The following PAM variants were observed in gnomAD, a reference collection of about 807,000 sequenced individuals.
PAM encodes the protein peptidyl-glycine alpha-amidating monooxygenase.
A neutral mutation model predicts 122.1 loss-of-function variants in PAM; 72 were observed. The observed-to-expected ratio is 0.59, with a 90% CI of 0.49 to 0.72. The LOEUF is 0.72. Among genes scored for constraint, PAM ranks in the 30% least tolerant of loss-of-function variants. The probability of loss-of-function intolerance (pLI) is 0.00; values close to 1 mark genes in which losing one functional copy is unlikely to be tolerated. For synonymous variants in PAM, 389 were observed against 404.4 expected (o/e 0.96, Z 0.46); for missense variants, 1,106 against 1,183.7 (o/e 0.93, Z 0.96).
At chr5:102,804,879 C>T (rs1388616197) in intron 1 of PAM, among the ~76,000 whole-genome samples, 2 of 152,170 alleles carry the variant, frequency 1.3e-5, no homozygotes, top group African/African-American at 2.4e-5. Context: ...TGAATTGGCA[C>T]TTGCCATGAT....
At chr5:102,759,107 A>G (rs967839390) in intron 1 of PAM, among the ~76,000 whole-genome samples, 6 of 152,206 alleles carry the variant, frequency 3.9e-5, no homozygotes, top group African/African-American at 1.2e-4. Context: ...AGAATTATAA[A>G]TTTATAAAGA....
At chr5:102,939,220 C>T (rs903257518) in intron 7 of PAM, among the ~76,000 whole-genome samples, 2 of 152,076 alleles carry the variant, frequency 1.3e-5, no homozygotes, top group Non-Finnish European at 2.9e-5. Context: ...CCAATAGAAA[C>T]ATTATTCTTT....
intron 1 of PAM, among the ~76,000 whole-genome samples, chr5:102,816,103 C>T (rs996211987): frequency 6.6e-6 from 1 of 152,056 alleles, no homozygotes; most frequent in African/African-American, 2.4e-5. Context: ...TATACTTATG[C>T]CTCCTGACAG....
chr5:102,863,991 A>T (rs1300094306), intron 1 of PAM, among the ~76,000 whole-genome samples: 2 of 151,418 alleles, frequency 1.3e-5, no homozygotes, highest in Non-Finnish European at 2.9e-5. Flanking sequence ...TCAAAGAGAT[A>T]AGTGGAATAT....
intron 3 of PAM, among the ~76,000 whole-genome samples, chr5:102,876,006 C>T (rs1215545045): frequency 6.6e-6 from 1 of 152,146 alleles, no homozygotes; most frequent in Non-Finnish European, 1.5e-5. Context: ...CCTTAGTTAC[C>T]TATTCAGTTT....
intron 7 of PAM, among the ~76,000 whole-genome samples, chr5:102,926,964 C>T (rs142170586): frequency 5.4e-4 from 82 of 152,122 alleles, no homozygotes; most frequent in African/African-American, 1.9e-3. Context: ...ATTAGGAGTG[C>T]GGATCATTCC....
chr5:102,782,548 C>T (rs1759269160), intron 1 of PAM, among the ~76,000 whole-genome samples: 1 of 152,160 alleles, frequency 6.6e-6, no homozygotes, highest in East Asian at 1.9e-4. Flanking sequence ...GTGAGAAGTA[C>T]ATGCAAATCT....
chr5:102,911,585 T>G (rs1041455946), intron 4 of PAM, among the ~76,000 whole-genome samples: 7 of 151,958 alleles, frequency 4.6e-5, no homozygotes, highest in Non-Finnish European at 8.8e-5. Flanking sequence ...CAAAGGACAG[T>G]TAGAAGAGTC....
chr5:102,947,100 A>C (rs1757302692), intron 8 of PAM, among the ~76,000 whole-genome samples: 1 of 152,218 alleles, frequency 6.6e-6, no homozygotes, highest in Non-Finnish European at 1.5e-5. Flanking sequence ...CTGTAGTCAG[A>C]ATCTTGGCTG....
rs1254907379 is a variant in PAM at position 103,003,088 on chromosome 5, G to C, written c.1669G>C (p.Asp557His). The change falls in exon 17 of 26, where the codon GAC (aspartate) becomes CAC (histidine). Residue 557 changes from aspartate to histidine, a missense_variant. By Grantham distance (81) the Asp-to-His change is moderately conservative (BLOSUM62 -1). Coordinates refer to ENST00000438793, the MANE Select transcript of PAM (RefSeq NM_001177306.2). ...AATAGGACTCGGACCAATTGAAGAA[G>C]ACACTATTCTTGTCATAGATCCAAA... is the stretch of plus-strand genomic sequence containing the variant. ...QQIGLGPIEEDTILVIDPNNA... is the reference protein window; with the variant it reads ...QQIGLGPIEEHTILVIDPNNA... The C allele has an allele frequency of 6.2e-7, 1 of 1,608,964 alleles. No individual in the cohort carries two copies. The highest frequency in any genetic ancestry group is 1.3e-5 in the African/African-American group (1 of 74,822).
chr5:102,845,435 G>A (rs1029721547), intron 1 of PAM, among the ~76,000 whole-genome samples: 10 of 152,162 alleles, frequency 6.6e-5, no homozygotes, highest in Admixed American at 1.3e-4. Flanking sequence ...GTGGTCAGTT[G>A]CTAGAATATC....
At chr5:102,955,410 A>T (rs970287206) in intron 12 of PAM, among the ~76,000 whole-genome samples, 1 of 152,066 alleles carries the variant, frequency 6.6e-6, no homozygotes, top group Non-Finnish European at 1.5e-5. Flanking sequence ...CTGACTCATT[A>T]TTCAGTAGTA....
Position 102,990,389 on chromosome 5 carries a change from T to C in PAM, c.1601T>C (p.Val534Ala). 1 of 1,595,292 alleles carries C rather than the reference T, an allele frequency of 6.3e-7. No homozygotes were observed. The highest frequency in any genetic ancestry group is 1.1e-5 in the South Asian group (1 of 87,314). Residue 534 changes from valine (V) to alanine (A), a missense_variant, in exon 16 of 26, where the codon GTC (valine) becomes GCC (alanine). Coordinates refer to ENST00000438793, the MANE Select transcript of PAM (RefSeq NM_001177306.2). ...GTGATTTTCCACAGAGGTGACCATG[T>C]CTGGGATGGAAAGTAAGTAATATTT... ...NLVIFHRGDH[V>A]WDGNSFDSKF... is the part of the protein sequence containing the mutation.
chr5:103,005,132 C>T lies in PAM; in HGVS notation c.1731-22C>T, dbSNP rs142943212. The stretch of plus-strand genomic sequence containing the variant: ...GCCTTGAGAGTAAATGTGTAATTAA[C>T]ACAAATATTTTTATTTTGCAGGTTT... On this transcript the variant is annotated intron_variant, in intron 17 of 25. Coordinates refer to ENST00000438793, the MANE Select transcript of PAM (RefSeq NM_001177306.2). 3.8e-4 allele frequency: 543 copies of T among 1,442,420 alleles called. 4 individuals carry two copies. In the East Asian group the frequency reaches 9.8e-3, roughly 26 times the overall value. The allele number at this position is 1,442,420 out of a possible 1,614,324, so 89.4% of individuals were successfully genotyped here. A position where few individuals can be genotyped will look rare whatever the true frequency, so the allele number is the denominator to read the frequency against.
chr5:102,795,869 T>C (rs970070829), intron 1 of PAM, among the ~76,000 whole-genome samples: 4 of 152,248 alleles, frequency 2.6e-5, no homozygotes, highest in African/African-American at 9.6e-5. Flanking sequence ...TCAGAGAGTT[T>C]AGTGCATTTT....
intron 1 of PAM, among the ~76,000 whole-genome samples, chr5:102,812,409 C>G (rs776609212): frequency 4.0e-5 from 6 of 151,788 alleles, no homozygotes; most frequent in Non-Finnish European, 5.9e-5. Context: ...AGAAGAGAGA[C>G]TACTGTAGTA....
At chr5:102,799,180 A>G (rs1466841795) in intron 1 of PAM, among the ~76,000 whole-genome samples, 1 of 152,226 alleles carries the variant, frequency 6.6e-6, no homozygotes, top group African/African-American at 2.4e-5. Context: ...TTACTTAATC[A>G]CTAAATCACA....
intron 1 of PAM, among the ~76,000 whole-genome samples, chr5:102,859,371 T>A (rs1407683996): frequency 6.6e-6 from 1 of 150,620 alleles, no homozygotes; most frequent in East Asian, 1.9e-4. Context: ...TGTGTGTGTG[T>A]CTTCACTTTT....
intron 3 of PAM, among the ~76,000 whole-genome samples, chr5:102,870,124 C>A (rs1235429845): frequency 5.4e-5 from 8 of 148,290 alleles, no homozygotes; most frequent in Non-Finnish European, 7.4e-5. Flanking sequence ...TGATCGCAGA[C>A]AATCAAGAAG....
Sources: gnomAD v4.1 joint callset for allele counts (sites outside exome capture counted in the v4.1 genomes callset) on GRCh38, gnomAD v4.1.1 for gene constraint, MANE v1.5 for transcripts, NCBI Gene and HGNC (gene_info 2026-07-23, HGNC 2026-07-21) for gene names.